The following CENPF variants were observed in gnomAD, a reference collection of about 807,000 sequenced individuals.
CENPF encodes centromere protein F.
Under a neutral mutation model 307.3 loss-of-function variants are expected in CENPF, and 214 were observed. The ratio of observed to expected loss-of-function variants is 0.70; its 90% confidence interval spans 0.62 to 0.78. CENPF has a LOEUF of 0.78. Among genes scored for constraint, CENPF ranks in the 30% least tolerant of loss-of-function variants. The pLI is 0.00. For synonymous variants in CENPF, 1,259 were observed against 1,270.6 expected, an observed-to-expected ratio of 0.99 and a Z score of 0.19; for missense variants, 3,401 against 3,483.9, an observed-to-expected ratio of 0.98 and a Z score of 0.60.
At position 214,634,083 on chromosome 1, in the gene CENPF, C is replaced by T. The variant is rs145462987; in HGVS notation, c.1446+1481C>T. ...AGGTGTTTCTGAAGACTTGTTCATC[C>T]CCACGAGGTCTGGTCCGTGAGCTGT... On this transcript the variant is annotated intron_variant, in intron 10 of 19. Coordinates refer to ENST00000366955, the MANE Select transcript of CENPF (RefSeq NM_016343.4). Among the ~76,000 whole-genome samples, 210 of 152,302 alleles carry T rather than the reference C, an allele frequency of 1.4e-3. 2 individuals are homozygous for T. The highest frequency in any genetic ancestry group is 4.9e-3 in the African/African-American group (203 of 41,574).
chr1:214,642,019 TGAGAAG>T lies in CENPF; in HGVS notation c.3691_3696del (p.Lys1231_Glu1232del), dbSNP rs1558183427. ...ATAAGGAATTAAAACTTCAGGAAAG[TGAGAAG>T]GAGAAGGAGTGCCTGCAGCATGAAT... On this transcript the variant is annotated inframe_deletion, in exon 12 of 20. Transcript: ENST00000366955. 6.2e-7 allele frequency: 1 copy of T among 1,611,048 alleles called. No homozygotes were observed. The highest frequency in any genetic ancestry group is 8.5e-7 in the Non-Finnish European group (1 of 1,179,320).
chr1:214,621,373 G>A (rs138191584), intron 6 of CENPF, among the ~76,000 whole-genome samples: 1 of 152,282 alleles, frequency 6.6e-6, no homozygotes, highest in Non-Finnish European at 1.5e-5. Context: ...TGTCCATATG[G>A]GAGCAAACCT....
At chr1:214,628,361 C>A (rs1657711737) in intron 7 of CENPF, among the ~76,000 whole-genome samples, 1 of 151,584 alleles carries the variant, frequency 6.6e-6, no homozygotes, top group African/African-American at 2.4e-5. Context: ...GGGTTCATTT[C>A]ATTTACTCTG....
intron 10 of CENPF, among the ~76,000 whole-genome samples, chr1:214,634,491 C>G (rs1657903232): frequency 6.6e-6 from 1 of 152,216 alleles, no homozygotes; most frequent in Non-Finnish European, 1.5e-5. Context: ...CTTACCCTTT[C>G]TCAGTCTGAC....
Position 214,613,801 on chromosome 1 carries a change from C to G in CENPF, c.47C>G (p.Ala16Gly), listed in dbSNP as rs774269116. 7.4e-6 allele frequency: 12 copies of G among 1,613,258 alleles called. No homozygotes were observed. The East Asian group carries it at 2.7e-4, about 36-fold the overall frequency. Residue 16 changes from alanine to glycine, a missense_variant, in exon 2 of 20, where the codon GCT becomes GGT. Transcript: ENST00000366955. ...EEWKEGLPTR[A>G]LQKIQELEGQ... is the part of the protein sequence containing the mutation. ...TGGAAAGAAGGGCTGCCTACAAGAG[C>G]TCTTCAGAAAATTCAAGAGCTTGAA...
At chr1:214,632,677 C>T in intron 10 of CENPF, 75 bp downstream of exon 10, 9 of 1,537,054 alleles carry the variant, frequency 5.9e-6, no homozygotes, top group Admixed American at 1.9e-5. Context: ...ATTCCTATTC[C>T]ATTTGTCAGT....
intron 13 of CENPF, chr1:214,647,884 A>G (rs928298365): frequency 5.0e-5 from 20 of 398,346 alleles, no homozygotes; most frequent in African/African-American, 3.3e-4. Context: ...CAGAGCACTC[A>G]TGGCTTCTAG....
chr1:214,608,885 C>T, intron 1 of CENPF: 4 of 1,435,662 alleles, frequency 2.8e-6, no homozygotes, highest in Non-Finnish European at 3.6e-6. Flanking sequence ...CCCCAGCCAA[C>T]AACGCCGCCC....
At chr1:214,603,383 G>C (rs1656938175) in intron 1 of CENPF, 62 bp downstream of exon 1, 1 of 153,234 alleles carries the variant, frequency 6.5e-6, no homozygotes, top group Admixed American at 6.5e-5. Flanking sequence ...GGCGGGCGGC[G>C]TGGGGGTGCC....
Position 214,651,327 on chromosome 1 carries a change from G to A in CENPF, c.7984-383G>A, listed in dbSNP as rs547143312. 7.2e-5 allele frequency among the ~76,000 whole-genome samples: 11 copies of A among 152,308 alleles called. 1 individual carries two copies. The South Asian group carries it at 1.0e-3, about 14-fold the overall frequency. On this transcript the variant is annotated intron_variant, in intron 14 of 19. Coordinates refer to ENST00000366955, the MANE Select transcript of CENPF (RefSeq NM_016343.4). Reference sequence around the variant, plus strand: ...TGGTCAAGGAAGAAAATGCAAGTCCGGAGGGGATTTGGTGTGAAGATGGTA... The same window carrying A: ...TGGTCAAGGAAGAAAATGCAAGTCCAGAGGGGATTTGGTGTGAAGATGGTA...
intron 12 of CENPF, among the ~76,000 whole-genome samples, chr1:214,644,243 T>C (rs1239503706): frequency 6.6e-6 from 1 of 152,256 alleles, no homozygotes; most frequent in Non-Finnish European, 1.5e-5. Flanking sequence ...ATTTCATATT[T>C]AGGCTACCTG....
intron 17 of CENPF, 29 bp from the exon 18 acceptor site, chr1:214,656,904 C>G (rs1177605935): frequency 7.3e-7 from 1 of 1,378,080 alleles, no homozygotes; most frequent in Non-Finnish European, 1.0e-6. Flanking sequence ...CATCAAGTTG[C>G]ACATGATGTG....
chr1:214,663,392 T>G (rs1658834210), intron 19 of CENPF, among the ~76,000 whole-genome samples, 199 bp from the exon 20 acceptor site: 1 of 152,328 alleles, frequency 6.6e-6, no homozygotes, highest in South Asian at 2.1e-4. Context: ...GTCTGATGAC[T>G]GGTTAGAGGT....
At chr1:214,653,289 T>G (rs925016880) in intron 16 of CENPF, among the ~76,000 whole-genome samples, 2 of 152,134 alleles carry the variant, frequency 1.3e-5, no homozygotes, top group African/African-American at 4.8e-5. Context: ...GCAGGCCTCT[T>G]AAGCTATAGA....
intron 1 of CENPF, among the ~76,000 whole-genome samples, chr1:214,612,109 G>C (rs1409344787): frequency 6.6e-6 from 1 of 152,064 alleles, no homozygotes; most frequent in Non-Finnish European, 1.5e-5. Context: ...GTTGGCTGTG[G>C]GTTTGTCATA....
chr1:214,663,585 T>A lies in CENPF; in HGVS notation c.9142-6T>A, dbSNP rs1226140450. ...TGAACCTCTAACAGAGATGTTTGTG[T>A]TGCAGGTCAAAGTTGCTCAGCGGAG... On this transcript the variant is annotated splice_region_variant and splice_polypyrimidine_tract_variant and intron_variant, in intron 19 of 19. Coordinates refer to ENST00000366955, the MANE Select transcript of CENPF (RefSeq NM_016343.4). 6.2e-7 allele frequency: 1 copy of A among 1,613,846 alleles called. No individual in the cohort carries two copies.
intron 2 of CENPF, 23 bp downstream of exon 2, chr1:214,613,939 T>C (rs752624988): frequency 1.9e-6 from 3 of 1,589,138 alleles, no homozygotes; most frequent in East Asian, 2.3e-5. Flanking sequence ...CTCTGGTATT[T>C]GTAGCTGTTC....
At chr1:214,644,339 C>T (rs1412973362) in intron 12 of CENPF, among the ~76,000 whole-genome samples, 1 of 152,206 alleles carries the variant, frequency 6.6e-6, no homozygotes, top group Non-Finnish European at 1.5e-5. Flanking sequence ...AGATAAATGC[C>T]TAACCCCAGT....
intron 7 of CENPF, among the ~76,000 whole-genome samples, chr1:214,626,630 C>T (rs1261657304): frequency 2.6e-5 from 4 of 152,166 alleles, no homozygotes; most frequent in Non-Finnish European, 4.4e-5. Flanking sequence ...TCTGCCACAT[C>T]TCAGTTTTAT....
Sources: gnomAD v4.1 joint callset for allele counts (sites outside exome capture counted in the v4.1 genomes callset) on GRCh38, gnomAD v4.1.1 for gene constraint, MANE v1.5 for transcripts, NCBI Gene and HGNC (gene_info 2026-07-23, HGNC 2026-07-21) for gene names.